SMAP1: variants seen among roughly 807,000 people sequenced by gnomAD.
SMAP1 encodes the protein stromal membrane-associated protein 1.
A neutral mutation model predicts 58.5 loss-of-function variants in SMAP1; 24 were observed. The ratio of observed to expected loss-of-function variants is 0.41; its 90% CI spans 0.30 to 0.58. SMAP1 has a LOEUF of 0.58. Ranked by LOEUF, SMAP1 falls within the 20% of genes least tolerant of loss-of-function variation. The probability of loss-of-function intolerance (pLI) is 0.29; values close to 1 mark genes in which losing one functional copy is unlikely to be tolerated. For synonymous variants in SMAP1, 216 were observed against 196.6 expected, an observed-to-expected ratio of 1.10 and a Z score of -0.82; for missense variants, 563 against 566.3, an observed-to-expected ratio of 0.99 and a Z score of 0.06.
intron 3 of SMAP1, among the ~76,000 whole-genome samples, chr6:70,764,133 A>G (rs10945248): frequency 0.46 from 69,304 of 149,856 alleles, 16,258 homozygotes; most frequent in South Asian, 0.5. Context: ...GCTGTTCTTC[A>G]ACTCCCAGGC....
At chr6:70,690,085 A>G (rs953470334) in intron 1 of SMAP1, among the ~76,000 whole-genome samples, 2 of 152,094 alleles carry the variant, frequency 1.3e-5, no homozygotes, top group African/African-American at 4.8e-5. Flanking sequence ...CCTTTAGTAA[A>G]AATAGAAGTG....
intron 6 of SMAP1, among the ~76,000 whole-genome samples, chr6:70,813,668 T>C (rs1465318525): frequency 3.9e-5 from 6 of 152,120 alleles, no homozygotes. Flanking sequence ...AAACTTGTAG[T>C]GTTCTAGATG....
intron 6 of SMAP1, among the ~76,000 whole-genome samples, chr6:70,832,605 G>A (rs1770407013): frequency 6.6e-6 from 1 of 152,102 alleles, no homozygotes; most frequent in South Asian, 2.1e-4. Context: ...AAGTTTATTT[G>A]CTCATGGTTC....
chr6:70,706,238 G>T (rs912811908), intron 1 of SMAP1, among the ~76,000 whole-genome samples: 3 of 152,030 alleles, frequency 2.0e-5, no homozygotes, highest in African/African-American at 7.2e-5. Context: ...GGGGTTTATT[G>T]CTCTGGTTTT....
intron 6 of SMAP1, among the ~76,000 whole-genome samples, chr6:70,818,241 C>CAA (rs34322746): frequency 2.3e-3 from 291 of 127,448 alleles, no homozygotes; most frequent in Non-Finnish European, 2.6e-3. Flanking sequence ...TAAAAAATTA[C>CAA]AAAAAAAAAA....
chr6:70,780,097 A>G (rs1484659445), intron 4 of SMAP1, among the ~76,000 whole-genome samples: 1 of 152,142 alleles, frequency 6.6e-6, no homozygotes, highest in East Asian at 1.9e-4. Context: ...CCCGCTCATT[A>G]TTTGATTTAC....
intron 1 of SMAP1, among the ~76,000 whole-genome samples, chr6:70,704,590 G>T (rs941734140): frequency 4.6e-5 from 7 of 152,128 alleles, no homozygotes; most frequent in African/African-American, 1.4e-4. Flanking sequence ...TGTCAAACTG[G>T]TACAGAATTT....
intron 1 of SMAP1, among the ~76,000 whole-genome samples, chr6:70,686,293 CTTGTT>C (rs1766932053): frequency 6.6e-6 from 1 of 152,030 alleles, no homozygotes; most frequent in African/African-American, 2.4e-5. Context: ...CATTTCATTG[CTTGTT>C]TTGTTTTCTG....
chr6:70,705,250 TGA>T (rs1158774049), intron 1 of SMAP1, among the ~76,000 whole-genome samples: 4 of 150,136 alleles, frequency 2.7e-5, no homozygotes, highest in Non-Finnish European at 4.5e-5. Flanking sequence ...CAGTTCATTA[TGA>T]TTTTTTTTTT....
At chr6:70,776,584 A>G (rs527582567) in intron 4 of SMAP1, among the ~76,000 whole-genome samples, 47 of 152,288 alleles carry the variant, frequency 3.1e-4, no homozygotes, top group African/African-American at 1.1e-3. Flanking sequence ...ACTACAGAAC[A>G]CTAAATCGTA....
At chr6:70,709,899 G>GTAGA (rs778500864) in intron 1 of SMAP1, among the ~76,000 whole-genome samples, 102 of 151,796 alleles carry the variant, frequency 6.7e-4, no homozygotes, top group Non-Finnish European at 1.1e-3. Context: ...TTTTCGGTGT[G>GTAGA]TAGATCTTTC....
intron 6 of SMAP1, among the ~76,000 whole-genome samples, chr6:70,815,353 G>C (rs1420850313): frequency 6.6e-6 from 1 of 152,090 alleles, no homozygotes; most frequent in Admixed American, 6.6e-5. Context: ...CTTTATGATG[G>C]GCAGTCCAAT....
intron 1 of SMAP1, among the ~76,000 whole-genome samples, chr6:70,683,159 ATT>A (rs1766793644): frequency 1.4e-5 from 2 of 144,274 alleles, no homozygotes; most frequent in African/African-American, 5.1e-5. Flanking sequence ...TACTCTTAAG[ATT>A]TAACTTTTTT....
intron 7 of SMAP1, among the ~76,000 whole-genome samples, chr6:70,848,659 C>T (rs928279808): frequency 6.6e-6 from 1 of 151,938 alleles, no homozygotes; most frequent in African/African-American, 2.4e-5. Context: ...TGCATCGGGA[C>T]AAAAATGATA....
intron 6 of SMAP1, among the ~76,000 whole-genome samples, chr6:70,817,471 A>T (rs1644269815): frequency 6.6e-6 from 1 of 152,132 alleles, no homozygotes; most frequent in Non-Finnish European, 1.5e-5. Context: ...GCAAGCTCTT[A>T]TCCATTGCTT....
intron 1 of SMAP1, among the ~76,000 whole-genome samples, chr6:70,689,116 G>T (rs1265922788): frequency 6.6e-6 from 1 of 151,946 alleles, no homozygotes; most frequent in Non-Finnish European, 1.5e-5. Flanking sequence ...TGATTCTCAT[G>T]TCATGCCTCA....
chr6:70,839,921 A>G (rs1242836309), intron 7 of SMAP1, among the ~76,000 whole-genome samples: 1 of 152,192 alleles, frequency 6.6e-6, no homozygotes, highest in Non-Finnish European at 1.5e-5. Flanking sequence ...CAAAACAAAC[A>G]GTGGTTCTAA....
At chr6:70,705,566 A>G (rs1362775905) in intron 1 of SMAP1, among the ~76,000 whole-genome samples, 1 of 152,158 alleles carries the variant, frequency 6.6e-6, no homozygotes, top group Non-Finnish European at 1.5e-5. Context: ...TGATCTTTTC[A>G]TTGAACTCTT....
intron 1 of SMAP1, among the ~76,000 whole-genome samples, chr6:70,683,433 G>A (rs893117388): frequency 2.0e-5 from 3 of 152,034 alleles, no homozygotes; most frequent in Non-Finnish European, 2.9e-5. Context: ...GCCTCTCAAA[G>A]TGTTGGGATT....
Sources: allele counts gnomAD v4.1 joint callset (sites outside exome capture counted in the v4.1 genomes callset), GRCh38; gene constraint gnomAD v4.1.1; transcripts MANE v1.5; gene names NCBI Gene and HGNC (gene_info 2026-07-23, HGNC 2026-07-21).